The following PPP1R12A variants were observed in gnomAD, a reference collection of about 807,000 sequenced individuals.
The protein encoded by PPP1R12A is protein phosphatase 1 regulatory subunit 12A.
Under a neutral mutation model 139.6 loss-of-function variants are expected in PPP1R12A, and 19 were observed. The observed-to-expected ratio is 0.14, with a 90% CI of 0.09 to 0.20. The LOEUF is 0.20. Among genes scored for constraint, PPP1R12A ranks in the 10% least tolerant of loss-of-function variants. The probability of loss-of-function intolerance (pLI) is 1.00; values close to 1 mark genes in which losing one functional copy is unlikely to be tolerated. For missense variants in PPP1R12A, 925 were observed against 1,211.5 expected, an observed-to-expected ratio of 0.76 and a Z score of 3.51; for synonymous variants, 427 against 420.6, an observed-to-expected ratio of 1.02 and a Z score of -0.19.
At chr12:79,909,297 T>C (rs1886370270) in intron 1 of PPP1R12A, among the ~76,000 whole-genome samples, 1 of 152,204 alleles carries the variant, frequency 6.6e-6, no homozygotes, top group Admixed American at 6.5e-5. Flanking sequence ...TTAAATACTA[T>C]TATATAAGTG....
In PPP1R12A at chr12:79,809,980, T is replaced by C. The variant is rs1157113924; in HGVS notation, c.1270A>G (p.Lys424Glu). 6.2e-7 allele frequency: 1 copy of C among 1,612,652 alleles called. No homozygotes were observed. Among genetic ancestry groups the C allele is most frequent in the African/African-American group, 1.3e-5 (1 of 74,884 alleles). The part of the protein sequence containing the change: ...FPTTATKISP[K>E]EEERKDESPA... The stretch of plus-strand genomic sequence containing the variant: ...GACTCATCTTTTCTCTCTTCTTCTT[T>C]GGGAGAAATTTTTGTAGCTGTGGTT... Residue 424 changes from lysine (K) to glutamate (E), a missense_variant, in exon 10 of 25, where the codon AAA (lysine) becomes GAA (glutamate). Transcript: ENST00000450142.
intron 17 of PPP1R12A, among the ~76,000 whole-genome samples, chr12:79,796,209 T>C (rs576627667): frequency 2.6e-5 from 4 of 152,288 alleles, no homozygotes; most frequent in Non-Finnish European, 5.9e-5. Flanking sequence ...GAAATGCCTA[T>C]ATTTAGTACT....
intron 1 of PPP1R12A, among the ~76,000 whole-genome samples, chr12:79,919,129 A>C (rs1305638807): frequency 2.6e-5 from 4 of 151,958 alleles, no homozygotes; most frequent in Non-Finnish European, 5.9e-5. Flanking sequence ...ATCCTTCAGC[A>C]CTTCTGTGCA....
At chr12:79,834,963 G>C (rs902559640) in intron 3 of PPP1R12A, among the ~76,000 whole-genome samples, 1 of 152,164 alleles carries the variant, frequency 6.6e-6, no homozygotes, top group Non-Finnish European at 1.5e-5. Flanking sequence ...TAGATGGCTG[G>C]TGAAGCACTG....
chr12:79,883,750 T>C (rs142258066), intron 1 of PPP1R12A, among the ~76,000 whole-genome samples: 1 of 150,552 alleles, frequency 6.6e-6, no homozygotes, highest in Non-Finnish European at 1.5e-5. Flanking sequence ...AGAGAAGTGA[T>C]TTTGAAAACA....
At chr12:79,833,670 CA>C (rs35159522) in intron 3 of PPP1R12A, among the ~76,000 whole-genome samples, 120,541 of 133,820 alleles carry the variant, frequency 0.9, 54,281 homozygotes, top group Non-Finnish European at 0.93. Context: ...ACTAAAAATA[CA>C]AAAAAAAAAA....
rs12831031 is a variant in PPP1R12A, at chr12:79,904,615, T to A, written c.237+30080A>T. ...AACAGCATAAAGTAGCTCATTCCAGTGGTACAAGTTCTTCCCTCTACATTT... is the reference window on the plus strand; with the variant it reads ...AACAGCATAAAGTAGCTCATTCCAGAGGTACAAGTTCTTCCCTCTACATTT... On this transcript the variant is annotated intron_variant, in intron 1 of 24. Transcript: ENST00000450142. Among the ~76,000 whole-genome samples, 1,212 of 152,178 alleles carry A rather than the reference T, an allele frequency of 8.0e-3. 15 individuals are homozygous for A. The highest frequency in any genetic ancestry group is 0.027 in the African/African-American group (1,114 of 41,474).
At chr12:79,797,496 C>G in intron 15 of PPP1R12A, 101 bp from the exon 16 acceptor site, 2 of 1,110,752 alleles carry the variant, frequency 1.8e-6, no homozygotes, top group Non-Finnish European at 2.5e-6. Flanking sequence ...CATTAAAAGT[C>G]AAATATGCAT....
chr12:79,906,541 A>G (rs1431105422), intron 1 of PPP1R12A, among the ~76,000 whole-genome samples: 1 of 152,108 alleles, frequency 6.6e-6, no homozygotes, highest in Non-Finnish European at 1.5e-5. Flanking sequence ...CAATATCAGG[A>G]AAAAAAGCAG....
intron 22 of PPP1R12A, among the ~76,000 whole-genome samples, chr12:79,783,611 G>GA (rs2136980414): frequency 1.3e-5 from 2 of 151,926 alleles, no homozygotes; most frequent in East Asian, 3.9e-4. Context: ...ATAAATCATA[G>GA]AAACTCTTTA....
intron 20 of PPP1R12A, among the ~76,000 whole-genome samples, chr12:79,790,247 G>T (rs1029829868): frequency 6.6e-6 from 1 of 152,098 alleles, no homozygotes; most frequent in Non-Finnish European, 1.5e-5. Context: ...GAATACCTTT[G>T]TTGTAGAGAT....
rs551454145 is a variant in PPP1R12A, at chr12:79,848,883, T to C, written c.369-3463A>G. On this transcript the variant is annotated intron_variant, in intron 2 of 24. Coordinates refer to ENST00000450142, the MANE Select transcript of PPP1R12A (RefSeq NM_002480.3). ...GGAGGGGTGAAAAAAGCAGAAACTT[T>C]TATGCTCTGCAGACTTCGGGTTCAG... is the stretch of plus-strand genomic sequence containing the variant. 1.8e-4 allele frequency: 27 copies of C among 152,212 alleles called. No homozygotes were observed. In the East Asian group the frequency reaches 4.8e-3, roughly 27 times the overall value. 9.4% of individuals were successfully genotyped at this position (152,212 alleles called of 1,614,324 possible). A position where few individuals can be genotyped will look rare whatever the true frequency, so the allele number is the denominator to read the frequency against.
At chr12:79,906,566 C>T (rs150918718) in intron 1 of PPP1R12A, among the ~76,000 whole-genome samples, 76 of 152,028 alleles carry the variant, frequency 5.0e-4, no homozygotes, top group African/African-American at 1.7e-3. Flanking sequence ...CTTTAAATTG[C>T]TTATTGTACA....
chr12:79,802,824 T>C (rs1231709474), intron 14 of PPP1R12A, among the ~76,000 whole-genome samples: 1 of 152,180 alleles, frequency 6.6e-6, no homozygotes, highest in Non-Finnish European at 1.5e-5. Context: ...GCTATCACTT[T>C]AGCATTTCAT....
intron 3 of PPP1R12A, among the ~76,000 whole-genome samples, chr12:79,843,675 T>C (rs373243018): frequency 2.8e-5 from 4 of 144,512 alleles, no homozygotes; most frequent in African/African-American, 5.2e-5. Context: ...GATATAGATA[T>C]ATGGTAAATT....
At chr12:79,783,510 G>GT (rs1216020053) in intron 22 of PPP1R12A, among the ~76,000 whole-genome samples, 1 of 151,706 alleles carries the variant, frequency 6.6e-6, no homozygotes, top group African/African-American at 2.4e-5. Flanking sequence ...AGACTGCTTA[G>GT]TTAATTCTCA....
Position 79,796,770 on chromosome 12 carries a change from T to A in PPP1R12A, c.2461+12A>T. The stretch of plus-strand genomic sequence containing the variant: ...AAGAAAGCAAAGTGTTTTCAAAATT[T>A]GGTATTCTTACCTCTTTCATTTTCT... On this transcript the variant is annotated intron_variant, in intron 17 of 24. Transcript: ENST00000450142. 2 of 1,573,936 alleles carry A rather than the reference T, an allele frequency of 1.3e-6. No homozygotes were observed. Among genetic ancestry groups the A allele is most frequent in the Non-Finnish European group, 1.7e-6 (2 of 1,152,120 alleles).
intron 1 of PPP1R12A, among the ~76,000 whole-genome samples, chr12:79,885,588 G>A (rs1014427725): frequency 6.6e-6 from 1 of 152,036 alleles, no homozygotes; most frequent in East Asian, 1.9e-4. Flanking sequence ...AAATCTTAGG[G>A]ATTACAAACA....
At chr12:79,902,833 C>T (rs1273366511) in intron 1 of PPP1R12A, among the ~76,000 whole-genome samples, 7 of 152,114 alleles carry the variant, frequency 4.6e-5, no homozygotes, top group African/African-American at 1.7e-4. Flanking sequence ...GAAAATTCCA[C>T]ACCTGACCTT....
Sources: allele counts gnomAD v4.1 joint callset (sites outside exome capture counted in the v4.1 genomes callset), GRCh38; gene constraint gnomAD v4.1.1; transcripts MANE v1.5; gene names NCBI Gene and HGNC (gene_info 2026-07-23, HGNC 2026-07-21).